The following DIP2C variants were observed in gnomAD, a reference collection of about 807,000 sequenced individuals.
DIP2C encodes the protein DIP2 acetate--CoA ligase C (putative).
A neutral mutation model predicts 192.4 loss-of-function variants in DIP2C; 33 were observed. The observed-to-expected ratio is 0.17, with a 90% confidence interval of 0.13 to 0.23. DIP2C has a LOEUF of 0.23. DIP2C is among the 10% of genes least tolerant of loss of function. The pLI, the probability that DIP2C is intolerant of heterozygous loss-of-function variation, is 1.00. For missense variants in DIP2C, 1,537 were observed against 2,110.1 expected (o/e 0.73, Z 5.32); for synonymous variants, 979 against 864.1 (o/e 1.13, Z -2.33).
At chr10:311,609 A>C in intron 31 of DIP2C, 1 of 1,231,156 alleles carries the variant, frequency 8.1e-7, no homozygotes, top group Non-Finnish European at 1.0e-6. Flanking sequence ...AGGAGAGAAC[A>C]CCAGACAACA....
At chr10:355,392 A>G (rs1959033620) in intron 24 of DIP2C, among the ~76,000 whole-genome samples, 1 of 152,202 alleles carries the variant, frequency 6.6e-6, no homozygotes. Context: ...GAGTCGGGGA[A>G]TAATTTCGTG....
chr10:458,837 G>C (rs1969518725), intron 3 of DIP2C, among the ~76,000 whole-genome samples: 1 of 152,170 alleles, frequency 6.6e-6, no homozygotes. Flanking sequence ...GGGCACAGCA[G>C]AGTGCTCGGA....
chr10:625,646 G>GAAGAT (rs761885606), intron 1 of DIP2C, among the ~76,000 whole-genome samples: 2 of 152,110 alleles, frequency 1.3e-5, no homozygotes, highest in Non-Finnish European at 2.9e-5. Context: ...AGCCATGCAC[G>GAAGAT]GCCTCACGCA....
chr10:363,189 A>C lies in DIP2C; in HGVS notation c.2592+8T>G. On this transcript the variant is annotated splice_region_variant and intron_variant, in intron 21 of 36. Transcript: ENST00000280886. This position sits in a 1 kb window ranked among gnomAD's most constrained non-coding sequence, Gnocchi z 5.4. ...AGGGGACCAGTGCCCAGGGCGAGGG[A>C]GGGCAACCTGCAGCACACGGCTCAT... is the stretch of plus-strand genomic sequence containing the variant. The C allele has an allele frequency of 6.2e-7, 1 of 1,611,820 alleles. No individual in the cohort carries two copies. Among genetic ancestry groups the C allele is most frequent in the Non-Finnish European group, 8.5e-7 (1 of 1,178,634 alleles).
chr10:356,200 G>A (rs1207901308), intron 24 of DIP2C: 7 of 608,108 alleles, frequency 1.2e-5, no homozygotes, highest in South Asian at 1.9e-5. Flanking sequence ...ATTGTAAATA[G>A]GTTGCTAAAA....
chr10:435,005 G>T (rs1022272493), intron 4 of DIP2C, among the ~76,000 whole-genome samples: 1 of 152,292 alleles, frequency 6.6e-6, no homozygotes, highest in East Asian at 1.9e-4. Flanking sequence ...TGTTTCTGGA[G>T]CTTCCTGAAT....
chr10:414,908 T>G (rs56236857), intron 7 of DIP2C, among the ~76,000 whole-genome samples: 1 of 65,168 alleles, frequency 1.5e-5, no homozygotes, highest in Admixed American at 1.5e-4. Context: ...ATATATATAT[T>G]TTTTTTTTTT....
chr10:544,472 TAC>T (rs991158489), intron 1 of DIP2C, among the ~76,000 whole-genome samples: 4 of 152,248 alleles, frequency 2.6e-5, no homozygotes, highest in African/African-American at 7.2e-5. Flanking sequence ...TGCTGGGTCG[TAC>T]AGTGATTTTA....
At chr10:556,417 G>A (rs967371704) in intron 1 of DIP2C, among the ~76,000 whole-genome samples, 1 of 123,450 alleles carries the variant, frequency 8.1e-6, no homozygotes, top group African/African-American at 3.4e-5. Flanking sequence ...TCTGACACTC[G>A]GACCTCAGAG....
At chr10:284,318 T>A (rs1210931060) in intron 34 of DIP2C, among the ~76,000 whole-genome samples, 1 of 152,150 alleles carries the variant, frequency 6.6e-6, no homozygotes, top group Non-Finnish European at 1.5e-5. Context: ...AAAGTGAAAC[T>A]GAGAGAGACA....
At chr10:480,559 T>C (rs1843529228) in intron 2 of DIP2C, among the ~76,000 whole-genome samples, 2 of 152,360 alleles carry the variant, frequency 1.3e-5, no homozygotes, top group African/African-American at 4.8e-5. Flanking sequence ...TTCACGTTTC[T>C]GCACTTTGCT....
At chr10:306,767 C>T in intron 32 of DIP2C, among the ~76,000 whole-genome samples, 1 of 152,222 alleles carries the variant, frequency 6.6e-6, no homozygotes, top group East Asian at 1.9e-4. Flanking sequence ...CACCATCCAG[C>T]TGCCGGAGCT....
At chr10:451,380 C>T (rs1968833797) in intron 3 of DIP2C, among the ~76,000 whole-genome samples, 1 of 152,210 alleles carries the variant, frequency 6.6e-6, no homozygotes, top group Non-Finnish European at 1.5e-5. Flanking sequence ...TCCTATCGCC[C>T]TTCAGTGCCC....
chr10:647,654 C>G (rs1855536840), intron 1 of DIP2C, among the ~76,000 whole-genome samples: 1 of 146,626 alleles, frequency 6.8e-6, no homozygotes, highest in East Asian at 2.1e-4. Context: ...GAAACTGAAT[C>G]CACGTCCACA....
intron 18 of DIP2C, 126 bp from the exon 19 acceptor site, chr10:366,537 G>A (rs775642880): frequency 5.2e-5 from 68 of 1,313,452 alleles, no homozygotes; most frequent in South Asian, 1.5e-4. Context: ...AAAACTGCAC[G>A]GATGGTAGTC....
chr10:365,230 A>G lies in DIP2C; in HGVS notation c.2269-648T>C, dbSNP rs1484259661. ...GGTACTGTAACATCTGTTCAGCCAC[A>G]TCCAAAGTTCTCAACATTTAGACCA... On this transcript the variant is annotated intron_variant, in intron 19 of 36. Transcript: ENST00000280886. Among the ~76,000 whole-genome samples, 23 of 152,246 alleles carry G rather than the reference A, an allele frequency of 1.5e-4. 2 individuals carry two copies. Among genetic ancestry groups the G allele is most frequent in the Admixed American group, 1.5e-3 (23 of 15,286 alleles).
At chr10:442,791 G>C (rs945500836) in intron 3 of DIP2C, among the ~76,000 whole-genome samples, 1 of 152,186 alleles carries the variant, frequency 6.6e-6, no homozygotes, top group African/African-American at 2.4e-5. Context: ...AAATTTAGCT[G>C]TCATATACAA....
At chr10:668,655 A>G (rs926114489) in intron 1 of DIP2C, 9 of 152,426 alleles carry the variant, frequency 5.9e-5, no homozygotes, top group African/African-American at 9.6e-5. Flanking sequence ...CAACACGCTC[A>G]TACAACACAT....
chr10:492,476 A>T (rs1844516629), intron 1 of DIP2C, among the ~76,000 whole-genome samples: 1 of 152,248 alleles, frequency 6.6e-6, no homozygotes, highest in African/African-American at 2.4e-5. Context: ...ATAAGGTGCC[A>T]GGGTAAACAT....
Sources: gnomAD v4.1 joint callset for allele counts (sites outside exome capture counted in the v4.1 genomes callset) on GRCh38, gnomAD v4.1.1 for gene constraint, Gnocchi (gnomAD v3.1) non-coding constraint, MANE v1.5 for transcripts, NCBI Gene and HGNC (gene_info 2026-07-23, HGNC 2026-07-21) for gene names.